Variants in MEP1B observed in about 807,000 individuals in gnomAD.
MEP1B encodes the protein N-benzoyl-L-tyrosyl-P-amino-benzoic acid hydrolase subunit beta.
A neutral mutation model predicts 84.6 loss-of-function variants in MEP1B; 80 were observed. That is an observed-to-expected ratio of 0.95 (90% CI 0.79 to 1.14). The LOEUF (loss-of-function observed/expected upper bound fraction) is 1.14. Among genes scored for constraint, MEP1B ranks in the 50% most tolerant of loss-of-function variants. MEP1B has a pLI of 0.00. For synonymous variants in MEP1B, 273 were observed against 288.1 expected, an observed-to-expected ratio of 0.95 and a Z score of 0.53; for missense variants, 766 against 855.1, an observed-to-expected ratio of 0.90 and a Z score of 1.30.
intron 4 of MEP1B, 144 bp from the exon 5 acceptor site, chr18:32,195,263 T>TAC (rs3217505): frequency 0.011 from 5,312 of 494,896 alleles, 17 homozygotes; most frequent in Middle Eastern, 0.027. Flanking sequence ...AAAGTAGGGC[T>TAC]ACACACACAC....
intron 14 of MEP1B, among the ~76,000 whole-genome samples, chr18:32,219,520 G>T (rs1443490453): frequency 6.6e-6 from 1 of 152,146 alleles, no homozygotes; most frequent in East Asian, 1.9e-4. Context: ...TGGGCCATTG[G>T]GATGAGCCAG....
intron 10 of MEP1B, among the ~76,000 whole-genome samples, chr18:32,212,157 T>C (rs1020000648): frequency 5.3e-5 from 8 of 151,080 alleles, no homozygotes. Flanking sequence ...ATAATGTATC[T>C]GTAATATATA....
chr18:32,201,250 A>G lies in MEP1B; in HGVS notation c.251-1643A>G, dbSNP rs115139416. On this transcript the variant is annotated intron_variant, in intron 5 of 14. Transcript: ENST00000269202. Reference sequence around the variant, plus strand: ...TTACATTTGAAATAATGACCCAAATATGATACTTATAGGACAGAACATTTT... The same window carrying G: ...TTACATTTGAAATAATGACCCAAATGTGATACTTATAGGACAGAACATTTT... 7.7e-3 allele frequency among the ~76,000 whole-genome samples: 1,169 copies of G among 152,112 alleles called. 14 individuals carry two copies. Among genetic ancestry groups the G allele is most frequent in the African/African-American group, 0.026 (1,094 of 41,482 alleles).
rs772000702 is a variant in MEP1B at position 32,200,482 on chromosome 18, T to C, written c.251-2411T>C. Among the ~76,000 whole-genome samples, 14 of 152,322 alleles carry C rather than the reference T, an allele frequency of 9.2e-5. 1 individual carries two copies. The highest frequency in any genetic ancestry group is 2.1e-4 in the Non-Finnish European group (14 of 68,026). ...GTAGAATTCAACTTGTTTTCTATGT[T>C]CAAATTAAGAAAAGTATCCTTACGT... On this transcript the variant is annotated intron_variant, in intron 5 of 14. Coordinates refer to ENST00000269202, the MANE Select transcript of MEP1B (RefSeq NM_005925.3).
intron 2 of MEP1B, 78 bp downstream of exon 2, chr18:32,191,918 A>G: frequency 1.2e-6 from 1 of 836,218 alleles, no homozygotes; most frequent in Non-Finnish European, 1.9e-6. Flanking sequence ...ACATAATTAC[A>G]TATGCATAAT....
intron 1 of MEP1B, among the ~76,000 whole-genome samples, 166 bp downstream of exon 1, chr18:32,190,299 G>T (rs949037119): frequency 2.6e-5 from 4 of 152,012 alleles, no homozygotes; most frequent in African/African-American, 4.8e-5. Context: ...TGTAGGGAGT[G>T]ACAAATAGCC....
chr18:32,218,058 C>T (rs1213616911), intron 14 of MEP1B, 93 bp downstream of exon 14: 2 of 1,088,740 alleles, frequency 1.8e-6, no homozygotes, highest in East Asian at 2.5e-5. Context: ...TGGTTCTTGC[C>T]TTCTTCTCTC....
At chr18:32,217,182 A>C (rs993714160) in intron 13 of MEP1B, 65 bp downstream of exon 13, 19 of 1,535,374 alleles carry the variant, frequency 1.2e-5, no homozygotes, top group Non-Finnish European at 1.7e-5. Context: ...ATAATGTAGG[A>C]TTAATTACTT....
At chr18:32,215,969 C>CATATATAT (rs10522884) in intron 12 of MEP1B, among the ~76,000 whole-genome samples, 20 of 134,966 alleles carry the variant, frequency 1.5e-4, no homozygotes, top group Non-Finnish European at 3.1e-4. Context: ...TACATATATG[C>CATATATAT]ATATATATAT....
Position 32,213,209 on chromosome 18 carries a change from C to T in MEP1B, c.1229C>T (p.Ala410Val), listed in dbSNP as rs866709197. ...VVFEGRKGSGASLGGLSIDDI... is the reference protein window; with the variant it reads ...VVFEGRKGSGVSLGGLSIDDI... ...TTTGAAGGACGCAAAGGCTCTGGTGCATCACTGGGTGGTCTGTCTATTGAT... is the reference window on the plus strand; with the variant it reads ...TTTGAAGGACGCAAAGGCTCTGGTGTATCACTGGGTGGTCTGTCTATTGAT... Residue 410 changes from alanine (A) to valine (V), a missense_variant, in exon 11 of 15, where the codon GCA (alanine) becomes GTA (valine). Coordinates refer to ENST00000269202, the MANE Select transcript of MEP1B (RefSeq NM_005925.3). 11 of 1,613,818 alleles carry T rather than the reference C, an allele frequency of 6.8e-6. 1 individual carries two copies. The African/African-American group carries it at 8.0e-5, about 12-fold the overall frequency.
chr18:32,216,944 G>A (rs2041096198), intron 12 of MEP1B, 47 bp from the exon 13 acceptor site: 1 of 1,575,842 alleles, frequency 6.3e-7, no homozygotes, highest in African/African-American at 1.4e-5. Flanking sequence ...TCAAATGATT[G>A]TTAAACAAAA....
At chr18:32,190,167 AT>A in intron 1 of MEP1B, 34 bp downstream of exon 1, 2 of 1,526,524 alleles carry the variant, frequency 1.3e-6, no homozygotes, top group Non-Finnish European at 1.8e-6. Context: ...TAATTTAAAA[AT>A]TTTGGGGCAG....
intron 10 of MEP1B, 117 bp downstream of exon 10, chr18:32,210,833 T>C: frequency 1.3e-6 from 1 of 771,082 alleles, no homozygotes; most frequent in Non-Finnish European, 2.1e-6. Context: ...ATACTTCAAC[T>C]AAGAACTAGA....
chr18:32,201,566 G>GA (rs1457349459), intron 5 of MEP1B, among the ~76,000 whole-genome samples: 1 of 152,020 alleles, frequency 6.6e-6, no homozygotes, highest in South Asian at 2.1e-4. Context: ...AATATTTAGT[G>GA]AAAAAATAGT....
intron 4 of MEP1B, among the ~76,000 whole-genome samples, chr18:32,193,780 G>A (rs901448554): frequency 6.6e-6 from 1 of 152,092 alleles, no homozygotes; most frequent in Non-Finnish European, 1.5e-5. Context: ...CCAGGAAACA[G>A]AGCTGCAGTC....
At chr18:32,193,166 T>C (rs1334520144) in intron 4 of MEP1B, among the ~76,000 whole-genome samples, 4 of 152,268 alleles carry the variant, frequency 2.6e-5, no homozygotes, top group African/African-American at 7.2e-5. Flanking sequence ...TTAAACTGAA[T>C]TTGTAAACAT....
chr18:32,200,109 A>G lies in MEP1B; in HGVS notation c.251-2784A>G, dbSNP rs531055684. Among the ~76,000 whole-genome samples, 9 of 152,166 alleles carry G rather than the reference A, an allele frequency of 5.9e-5. No individual in the cohort carries two copies. The East Asian group carries it at 1.2e-3, about 20-fold the overall frequency. On this transcript the variant is annotated intron_variant, in intron 5 of 14. Coordinates refer to ENST00000269202, the MANE Select transcript of MEP1B (RefSeq NM_005925.3). ...AAACAACATAATGAATGCCTTGAGG[A>G]TAAGAGCTATTTTTCATCTTGCAAA... is the stretch of plus-strand genomic sequence containing the variant.
In MEP1B at chr18:32,215,279, G is replaced by A. The variant is rs1251284876; in HGVS notation, c.1759+18G>A. 1 of 1,510,594 alleles carries A rather than the reference G, an allele frequency of 6.6e-7. No homozygotes were observed. The highest frequency in any genetic ancestry group is 2.3e-5 in the East Asian group (1 of 43,526). The allele number at this position is 1,510,594 out of a possible 1,614,324, so 93.6% of individuals were successfully genotyped here. ...AGTGGAAGGTATGTCAATAAAAATA[G>A]TTTTATATAAACTAGTTTTTTTTTG... On this transcript the variant is annotated intron_variant, in intron 12 of 14. Coordinates refer to ENST00000269202, the MANE Select transcript of MEP1B (RefSeq NM_005925.3).
intron 5 of MEP1B, among the ~76,000 whole-genome samples, chr18:32,195,779 CT>C (rs1366413426): frequency 4.6e-5 from 7 of 152,110 alleles, no homozygotes; most frequent in Admixed American, 6.5e-5. Context: ...GGGAGCCAGT[CT>C]TTTTTTGTGG....
Sources: allele counts gnomAD v4.1 joint callset (sites outside exome capture counted in the v4.1 genomes callset), GRCh38; gene constraint gnomAD v4.1.1; transcripts MANE v1.5; gene names NCBI Gene and HGNC (gene_info 2026-07-23, HGNC 2026-07-21).